Variants in NKTR observed in about 807,000 individuals in gnomAD.
NKTR encodes the protein natural killer cell triggering receptor, also known as NK-tumor recognition protein.
A neutral mutation model predicts 156.3 loss-of-function variants in NKTR; 67 were observed. The observed-to-expected ratio is 0.43, with a 90% CI of 0.35 to 0.53. The LOEUF (loss-of-function observed/expected upper bound fraction) is 0.53. NKTR is among the 20% of genes least tolerant of loss of function. The pLI is 0.01. For missense variants in NKTR, 1,604 were observed against 1,730.9 expected (o/e 0.93, Z 1.30); for synonymous variants, 640 against 596.6 (o/e 1.07, Z -1.06).
At chr3:42,616,691 C>G (rs1368985140) in intron 2 of NKTR, among the ~76,000 whole-genome samples, 1 of 152,122 alleles carries the variant, frequency 6.6e-6, no homozygotes, top group African/African-American at 2.4e-5. Context: ...CTTGTAATCT[C>G]GTGTTTGTTG....
chr3:42,633,643 AC>A lies in NKTR; in HGVS notation c.839del (p.Pro280LeufsTer18). The A allele has an allele frequency of 6.2e-7, 1 of 1,614,104 alleles. No homozygotes were observed. The highest frequency in any genetic ancestry group is 8.5e-7 in the Non-Finnish European group (1 of 1,180,014). On this transcript the variant is annotated frameshift_variant, in exon 10 of 17. Coordinates refer to ENST00000232978, the MANE Select transcript of NKTR (RefSeq NM_005385.4). LOFTEE classifies it high-confidence loss of function. ...TTGATTCCAGTGCTAAAAGGGAAAAACCTGTGGTCCGCCCAGAAGAGATTCC... is the reference window on the plus strand; with the variant it reads ...TTGATTCCAGTGCTAAAAGGGAAAAACTGTGGTCCGCCCAGAAGAGATTCC... Reference protein sequence around the residue: ...SVDSSAKREKPVVRPEEIPPV... With the variant: ...SVDSSAKREKXVVRPEEIPPV...
intron 7 of NKTR, 71 bp downstream of exon 7, chr3:42,630,646 G>T (rs372108364): frequency 7.6e-5 from 122 of 1,605,630 alleles, no homozygotes; most frequent in Non-Finnish European, 1.0e-4. Context: ...TTGGACCATG[G>T]TTGAGCCCTC....
At chr3:42,618,674 C>T (rs1439117128) in intron 3 of NKTR, among the ~76,000 whole-genome samples, 1 of 152,070 alleles carries the variant, frequency 6.6e-6, no homozygotes, top group Non-Finnish European at 1.5e-5. Context: ...TTTCAAACTC[C>T]TGACCTCAAG....
chr3:42,620,642 T>C (rs982827852), intron 5 of NKTR: 1 of 982,030 alleles, frequency 1.0e-6, no homozygotes, highest in Non-Finnish European at 1.2e-6. Flanking sequence ...TAAAAGGACA[T>C]ATAAGTTAGT....
At chr3:42,634,916 A>G (rs1709238171) in intron 11 of NKTR, 4 of 480,756 alleles carry the variant, frequency 8.3e-6, no homozygotes, top group African/African-American at 2.0e-5. Flanking sequence ...ATGTGAAACC[A>G]TCAGTGAGTA....
At chr3:42,630,928 T>C in intron 7 of NKTR, 1 of 1,385,506 alleles carries the variant, frequency 7.2e-7, no homozygotes, top group East Asian at 2.7e-5. Context: ...TACCAGACTC[T>C]TTACCCTAAA....
Position 42,631,243 on chromosome 3 carries a change from T to C in NKTR, c.477T>C (p.Asp159=). 6.2e-7 allele frequency: 1 copy of C among 1,614,128 alleles called. No homozygotes were observed. Among genetic ancestry groups the C allele is most frequent in the East Asian group, 2.2e-5 (1 of 44,874 alleles). The change falls in exon 8 of 17, where the codon GAT becomes GAC. Residue 159 remains aspartate (D), a synonymous_variant. Transcript: ENST00000232978. ...AACAAATTGAAAATCTGAAGACCGA[T>C]GCTGCAAGCAGACCATATGCAGATG... ...VIEQIENLKT[D]AASRPYADVR...
chr3:42,600,962 C>A (rs1183716660), intron 1 of NKTR, 22 bp from the exon 2 acceptor site: 7 of 1,497,842 alleles, frequency 4.7e-6, no homozygotes, highest in Non-Finnish European at 6.3e-6. Context: ...GCCCTGACCG[C>A]TTTTCTCCCC....
chr3:42,630,164 T>TAA (rs1708759263), intron 6 of NKTR: 1 of 1,019,290 alleles, frequency 9.8e-7, no homozygotes, highest in East Asian at 8.8e-5. Context: ...TTTTCTTATT[T>TAA]AATTACGCTG....
At position 42,638,134 on chromosome 3, in the gene NKTR, CAGTG is replaced by C; in HGVS notation, c.2433_2436del (p.Glu812SerfsTer49). 6.2e-7 allele frequency: 1 copy of C among 1,613,634 alleles called. No homozygotes were observed. Among genetic ancestry groups the C allele is most frequent in the Non-Finnish European group, 8.5e-7 (1 of 1,179,916 alleles). ...GATCATCTTTAGATTATTCTTCAGA[CAGTG>C]AGCAGTCAAGTGTTCAGGCCACACA... On this transcript the variant is annotated frameshift_variant, in exon 13 of 17. Coordinates refer to ENST00000232978, the MANE Select transcript of NKTR (RefSeq NM_005385.4). LOFTEE classifies it high-confidence loss of function.
chr3:42,623,009 C>T (rs1267182094), intron 6 of NKTR, among the ~76,000 whole-genome samples: 1 of 151,940 alleles, frequency 6.6e-6, no homozygotes, highest in Non-Finnish European at 1.5e-5. Flanking sequence ...TTAGCTTGTT[C>T]ATAAAATGTT....
intron 2 of NKTR, chr3:42,602,652 A>G (rs1339280705): frequency 6.8e-6 from 1 of 147,544 alleles, no homozygotes; most frequent in Non-Finnish European, 1.5e-5. Flanking sequence ...TTTTTAAATA[A>G]GTGTTACTAG....
intron 2 of NKTR, among the ~76,000 whole-genome samples, chr3:42,609,445 G>A (rs866130270): frequency 6.6e-6 from 1 of 152,198 alleles, no homozygotes; most frequent in Non-Finnish European, 1.5e-5. Flanking sequence ...CTTTCAGTTT[G>A]TTCCAGAAGA....
intron 15 of NKTR, 75 bp from the exon 16 acceptor site, chr3:42,643,827 A>T (rs1422331248): frequency 1.9e-6 from 2 of 1,027,642 alleles, no homozygotes; most frequent in Non-Finnish European, 3.0e-6. Flanking sequence ...AACACTCCTG[A>T]GATCCTAAAA....
chr3:42,610,867 C>T (rs1706725367), intron 2 of NKTR, among the ~76,000 whole-genome samples: 2 of 152,196 alleles, frequency 1.3e-5, no homozygotes, highest in South Asian at 4.1e-4. Flanking sequence ...TCATCTATAT[C>T]TAAAGAATTA....
At chr3:42,632,215 A>G (rs181461694) in intron 8 of NKTR, among the ~76,000 whole-genome samples, 1 of 151,764 alleles carries the variant, frequency 6.6e-6, no homozygotes, top group East Asian at 2.0e-4. Context: ...GATTATAGGG[A>G]TGCACCACCA....
chr3:42,638,089 G>A lies in NKTR; in HGVS notation c.2385G>A (p.Val795=). The change falls in exon 13 of 17, where the codon GTG becomes GTA. Residue 795 remains valine, a synonymous_variant. Transcript: ENST00000232978. ...AAGGTAGAGACAGGTCTTCATGTGT[G>A]AGAAAGTATAGCGAGAGCAGATCAT... ...YVKGRDRSSC[V]RKYSESRSSL... is the part of the protein sequence containing the mutation. The A allele has an allele frequency of 6.2e-7, 1 of 1,614,124 alleles. No homozygotes were observed. Among genetic ancestry groups the A allele is most frequent in the South Asian group, 1.1e-5 (1 of 91,082 alleles).
chr3:42,637,003 A>G lies in NKTR; in HGVS notation c.1299A>G (p.Glu433=), dbSNP rs1709481416. The change falls in exon 13 of 17, where the codon GAA becomes GAG. Residue 433 remains glutamate, a synonymous_variant. Transcript: ENST00000232978. The part of the protein sequence containing the change: ...HSGHHKKRRK[E]KKVKHKKKGK... The stretch of plus-strand genomic sequence containing the variant: ...GCCACCATAAAAAACGCAGAAAAGA[A>G]AAAAAGGTTAAGCATAAAAAGAAAG... 70 of 1,613,352 alleles carry G rather than the reference A, an allele frequency of 4.3e-5. No homozygotes were observed. Among genetic ancestry groups the G allele is most frequent in the Non-Finnish European group, 5.8e-5 (69 of 1,179,804 alleles).
At chr3:42,633,008 G>T in intron 9 of NKTR, 185 bp downstream of exon 9, 3 of 1,281,276 alleles carry the variant, frequency 2.3e-6, no homozygotes, top group Non-Finnish European at 3.0e-6. Context: ...TCAAAGATTT[G>T]TGTGTTTTCA....
Sources: gnomAD v4.1 joint callset for allele counts (sites outside exome capture counted in the v4.1 genomes callset) on GRCh38, gnomAD v4.1.1 for gene constraint, MANE v1.5 for transcripts, NCBI Gene and HGNC (gene_info 2026-07-23, HGNC 2026-07-21) for gene names.